PNLIPRP1: variants seen among roughly 807,000 people sequenced by gnomAD.
The protein encoded by PNLIPRP1 is pancreatic lipase related protein 1, also known as inactive pancreatic lipase-related protein 1.
PNLIPRP1 carries 57 observed loss-of-function variants against 54.6 expected under a neutral mutation model. The observed-to-expected ratio is 1.04, with a 90% CI of 0.84 to 1.30. The LOEUF (loss-of-function observed/expected upper bound fraction) is 1.30. Among genes scored for constraint, PNLIPRP1 ranks in the 50% most tolerant of loss-of-function variants. The pLI is 0.00. For missense variants in PNLIPRP1, 567 were observed against 568.5 expected (o/e 1.00, Z 0.03); for synonymous variants, 232 against 208.8 (o/e 1.11, Z -0.96).
chr10:116,601,517 TA>T (rs1847839317), intron 10 of PNLIPRP1, among the ~76,000 whole-genome samples: 1 of 152,196 alleles, frequency 6.6e-6, no homozygotes, highest in African/African-American at 2.4e-5. Flanking sequence ...CTTTCCTTTT[TA>T]AGGCCGCATC....
intron 10 of PNLIPRP1, among the ~76,000 whole-genome samples, chr10:116,603,598 T>C (rs1452230917): frequency 3.9e-5 from 6 of 152,154 alleles, no homozygotes; most frequent in African/African-American, 1.2e-4. Context: ...ACAAATAGAA[T>C]TTCTTATACT....
intron 10 of PNLIPRP1, 55 bp from the exon 11 acceptor site, chr10:116,603,975 T>A (rs1554865154): frequency 1.0e-6 from 1 of 988,304 alleles, no homozygotes; most frequent in Non-Finnish European, 1.6e-6. Flanking sequence ...AAGTCTGGGA[T>A]GTAGGCTACT....
At position 116,609,055 on chromosome 10, in the gene PNLIPRP1, A is replaced by G. The variant is rs546850940; in HGVS notation, c.1343A>G (p.Tyr448Cys). 1 of 1,611,218 alleles carries G rather than the reference A, an allele frequency of 6.2e-7. No individual in the cohort carries two copies. The highest frequency in any genetic ancestry group is 1.1e-5 in the South Asian group (1 of 91,026). Residue 448 changes from tyrosine (Y) to cysteine (C), a missense_variant and splice_region_variant, in exon 13 of 13, where the codon TAC (tyrosine) becomes TGC (cysteine). Coordinates refer to ENST00000358834, the MANE Select transcript of PNLIPRP1 (RefSeq NM_006229.4). ...ACAAAGCTTCCTTTTCTCCCCAGGT[A>G]CAACTTCTGTAGCGAAGACACAGTG... ...TVQKGEEKTV[Y>C]NFCSEDTVRE...
At chr10:116,605,650 A>T (rs1554865508) in intron 12 of PNLIPRP1, 97 bp downstream of exon 12, 4 of 882,780 alleles carry the variant, frequency 4.5e-6, no homozygotes, top group Non-Finnish European at 6.6e-6. Context: ...TAAGCAAGAA[A>T]AGCCAAGAAA....
At chr10:116,603,039 T>C (rs1847876176) in intron 10 of PNLIPRP1, among the ~76,000 whole-genome samples, 1 of 152,044 alleles carries the variant, frequency 6.6e-6, no homozygotes, top group African/African-American at 2.4e-5. Context: ...ATGCATATGT[T>C]TGTGTATATG....
Position 116,600,172 on chromosome 10 carries a change from T to C in PNLIPRP1, c.933+7T>C. 1.3e-6 allele frequency: 2 copies of C among 1,569,824 alleles called. No homozygotes were observed. The highest frequency in any genetic ancestry group is 1.7e-5 in the Admixed American group (1 of 59,932). ...CTACAAGTCCTTTGAGTCTGTAAGC[T>C]ATTGTCCTGCCTCGAGCAACAAGCA... On this transcript the variant is annotated splice_region_variant and intron_variant, in intron 9 of 12. Transcript: ENST00000358834.
chr10:116,594,677 A>T (rs1847702283), intron 4 of PNLIPRP1, 53 bp from the exon 5 acceptor site: 8 of 1,605,398 alleles, frequency 5.0e-6, no homozygotes, highest in African/African-American at 1.3e-5. Flanking sequence ...TGGCTGGATA[A>T]GGTTTCCCCT....
At chr10:116,597,707 T>A (rs1847759639) in intron 6 of PNLIPRP1, 121 bp from the exon 7 acceptor site, 5 of 1,114,888 alleles carry the variant, frequency 4.5e-6, no homozygotes, top group Non-Finnish European at 5.3e-6. Context: ...TGGCACTGCA[T>A]CACTCTGGTG....
intron 4 of PNLIPRP1, chr10:116,593,282 A>G (rs1040645527): frequency 2.6e-5 from 4 of 153,746 alleles, no homozygotes; most frequent in African/African-American, 9.7e-5. Context: ...ACACATGTGC[A>G]CACACACACA....
At chr10:116,601,001 C>A in intron 9 of PNLIPRP1, 71 bp from the exon 10 acceptor site, 1 of 1,399,844 alleles carries the variant, frequency 7.1e-7, no homozygotes, top group Non-Finnish European at 9.8e-7. Flanking sequence ...AATTGAGTGT[C>A]TGCCCTCTCA....
At position 116,598,147 on chromosome 10, in the gene PNLIPRP1, T is replaced by A. The variant is rs781853536; in HGVS notation, c.795T>A (p.Asp265Glu). Residue 265 changes from aspartate to glutamate, a missense_variant, in exon 8 of 13, where the codon GAT (aspartate) becomes GAA (glutamate). By Grantham distance (45) the Asp-to-Glu change is conservative. Transcript: ENST00000358834. ...CKKNALSQIV[D>E]LDGIWAGTRD... ...AGAATGCCCTGTCTCAGATCGTGGA[T>A]CTAGATGGCATCTGGGCGGGTAAAG... is the stretch of plus-strand genomic sequence containing the variant. 5.6e-6 allele frequency: 9 copies of A among 1,613,862 alleles called. No homozygotes were observed. The highest frequency in any genetic ancestry group is 5.0e-5 in the Admixed American group (3 of 60,000).
chr10:116,603,156 A>T (rs1418668641), intron 10 of PNLIPRP1, among the ~76,000 whole-genome samples: 1 of 152,120 alleles, frequency 6.6e-6, no homozygotes, highest in Admixed American at 6.6e-5. Flanking sequence ...AGCCTAAGTG[A>T]CAGCTGCTCG....
chr10:116,600,499 G>A, intron 9 of PNLIPRP1: 1 of 234,046 alleles, frequency 4.3e-6, no homozygotes, highest in Non-Finnish European at 8.4e-6. Flanking sequence ...CACATTTCTG[G>A]CAAGGGCAGA....
Position 116,596,420 on chromosome 10 carries a change from G to A in PNLIPRP1, c.574+98G>A. On this transcript the variant is annotated intron_variant, in intron 6 of 12. Coordinates refer to ENST00000358834, the MANE Select transcript of PNLIPRP1 (RefSeq NM_006229.4). ...GTTCAGAGCTCCCCTGAAGGAGACT[G>A]TCCCCCTTGGCTGTGATAGAGCTGC... The A allele has an allele frequency of 4.1e-6, 3 of 730,220 alleles. No homozygotes were observed. The Admixed American group carries it at 7.0e-5, about 17-fold the overall frequency. 45.2% of individuals were successfully genotyped at this position (730,220 alleles called of 1,614,324 possible). A position where few individuals can be genotyped will look rare whatever the true frequency, so the allele number is the denominator to read the frequency against.
intron 12 of PNLIPRP1, among the ~76,000 whole-genome samples, chr10:116,606,385 T>C (rs1847937965): frequency 6.6e-6 from 1 of 152,126 alleles, no homozygotes; most frequent in South Asian, 2.1e-4. Flanking sequence ...AGGTTGGCCC[T>C]GCCAGGTGGT....
In PNLIPRP1 at chr10:116,596,233, C is replaced by G. The variant is rs140020062; in HGVS notation, c.485C>G (p.Pro162Arg). ...CTCCAGACAGAGTATAGCTACCCCC[C>G]TTCCAAAGTTCACCTCATTGGCCAC... ...DILLTEYSYP[P>R]SKVHLIGHSL... Residue 162 changes from proline to arginine, a missense_variant, in exon 6 of 13, where the codon CCT becomes CGT. Physicochemically the swap from Pro to Arg is moderately radical, Grantham distance 103. Coordinates refer to ENST00000358834, the MANE Select transcript of PNLIPRP1 (RefSeq NM_006229.4). 53 of 1,612,602 alleles carry G rather than the reference C, an allele frequency of 3.3e-5. No homozygotes were observed. The East Asian group carries it at 8.0e-4, about 24-fold the overall frequency.
chr10:116,597,484 T>G (rs1554864107), intron 6 of PNLIPRP1, among the ~76,000 whole-genome samples: 1 of 152,194 alleles, frequency 6.6e-6, no homozygotes, highest in Non-Finnish European at 1.5e-5. Flanking sequence ...CCACATTGCT[T>G]CACCCCTTTC....
rs1564738757 is a variant in PNLIPRP1, at chr10:116,601,195, T to C, written c.1057T>C (p.Phe353Leu). Residue 353 changes from phenylalanine (F) to leucine (L), a missense_variant, in exon 10 of 13, where the codon TTC (phenylalanine) becomes CTC (leucine). Coordinates refer to ENST00000358834, the MANE Select transcript of PNLIPRP1 (RefSeq NM_006229.4). Reference protein sequence around the residue: ...FFLNTGEASNFARWRYGVSIT... With the variant: ...FFLNTGEASNLARWRYGVSIT... The stretch of plus-strand genomic sequence containing the variant: ...CTTGAACACAGGAGAGGCTAGCAAT[T>C]TCGCTCGTAAGTTGCACTTTGACTA... 2 of 1,612,446 alleles carry C rather than the reference T, an allele frequency of 1.2e-6. No homozygotes were observed. Among genetic ancestry groups the C allele is most frequent in the Non-Finnish European group, 1.7e-6 (2 of 1,179,568 alleles).
intron 3 of PNLIPRP1, chr10:116,592,127 C>T (rs1554863291): frequency 1.6e-6 from 1 of 642,606 alleles, no homozygotes; most frequent in Non-Finnish European, 2.7e-6. Flanking sequence ...TCACATTTGC[C>T]AGAACCTCTA....
Sources: gnomAD v4.1 joint callset for allele counts (sites outside exome capture counted in the v4.1 genomes callset) on GRCh38, gnomAD v4.1.1 for gene constraint, MANE v1.5 for transcripts, NCBI Gene and HGNC (gene_info 2026-07-23, HGNC 2026-07-21) for gene names.